Variants in ASTN1 observed in about 807,000 individuals in gnomAD.
ASTN1 encodes astrotactin 1, also known as astrotactin-1.
A neutral mutation model predicts 140.7 loss-of-function variants in ASTN1; 41 were observed. That is an observed-to-expected ratio of 0.29 (90% CI 0.23 to 0.38). The LOEUF is 0.38. Ranked by LOEUF, ASTN1 falls within the 10% of genes least tolerant of loss-of-function variation. The pLI, the probability that ASTN1 is intolerant of heterozygous loss-of-function variation, is 1.00. For synonymous variants in ASTN1, 640 were observed against 652.2 expected (o/e 0.98, Z 0.29); for missense variants, 1,479 against 1,678.8 (o/e 0.88, Z 2.08).
At chr1:177,131,093 C>T (rs1681916928) in intron 1 of ASTN1, among the ~76,000 whole-genome samples, 1 of 152,150 alleles carries the variant, frequency 6.6e-6, no homozygotes, top group Non-Finnish European at 1.5e-5. Context: ...CCCAAGTGGT[C>T]CTTACTGCTG....
chr1:176,940,075 G>A (rs143767212), intron 14 of ASTN1, among the ~76,000 whole-genome samples: 1 of 152,272 alleles, frequency 6.6e-6, no homozygotes, highest in East Asian at 1.9e-4. Context: ...TTTAATGACT[G>A]TGTCACCCAA....
At chr1:177,069,102 C>T (rs1678506344) in intron 1 of ASTN1, among the ~76,000 whole-genome samples, 1 of 152,114 alleles carries the variant, frequency 6.6e-6, no homozygotes, top group African/African-American at 2.4e-5. Flanking sequence ...TGTTTCAGCT[C>T]AATCCAGCCT....
At chr1:176,858,779 A>G (rs1037850952), downstream of ASTN1, among the ~76,000 whole-genome samples, 1 of 152,166 alleles carries the variant, frequency 6.6e-6, no homozygotes, top group Non-Finnish European at 1.5e-5. Flanking sequence ...ATTGTCTGAC[A>G]TGGGGTAACT....
Position 177,024,720 on chromosome 1 carries a change from C to A in ASTN1, c.1133G>T (p.Arg378Leu). 7 of 1,613,442 alleles carry A rather than the reference C, an allele frequency of 4.3e-6. No individual in the cohort carries two copies. Among genetic ancestry groups the A allele is most frequent in the Non-Finnish European group, 5.9e-6 (7 of 1,179,540 alleles). Residue 378 changes from arginine (R) to leucine (L), a missense_variant, in exon 6 of 23, where the codon CGA becomes CTA. Physicochemically the swap from Arg to Leu is moderately radical, Grantham distance 102. Coordinates refer to ENST00000361833, the MANE Select transcript of ASTN1 (RefSeq NM_004319.3). Reference protein sequence around the residue: ...SRRRSRVGSPRSPVNKTTLTL... With the variant: ...SRRRSRVGSPLSPVNKTTLTL... ...CAAGGTGGTCTTATTCACAGGACTT[C>A]GGGGAGAACCCACTGAAAGTGAGAC...
intron 1 of ASTN1, among the ~76,000 whole-genome samples, chr1:177,116,332 G>T (rs1204031118): frequency 2.0e-5 from 3 of 152,092 alleles, no homozygotes; most frequent in Non-Finnish European, 4.4e-5. Flanking sequence ...TTAAAATTGT[G>T]CACAGATGTA....
intron 1 of ASTN1, among the ~76,000 whole-genome samples, chr1:177,075,043 T>A (rs1678820462): frequency 6.6e-6 from 1 of 152,166 alleles, no homozygotes; most frequent in Non-Finnish European, 1.5e-5. Context: ...TATATACAGT[T>A]AATTAATAAT....
At chr1:176,891,395 C>G (rs1049921768) in intron 17 of ASTN1, among the ~76,000 whole-genome samples, 1 of 152,216 alleles carries the variant, frequency 6.6e-6, no homozygotes, top group African/African-American at 2.4e-5. Flanking sequence ...GCATCAGCCA[C>G]TTGCTAGGCA....
downstream of ASTN1, chr1:176,857,553 C>CCTCCTGG: frequency 2.0e-6 from 1 of 509,444 alleles, no homozygotes; most frequent in South Asian, 3.3e-5. Flanking sequence ...CTGGAGATGC[C>CCTCCTGG]ATCTGAGGCA....
At chr1:176,984,641 A>G (rs1315712832) in intron 8 of ASTN1, among the ~76,000 whole-genome samples, 1 of 152,178 alleles carries the variant, frequency 6.6e-6, no homozygotes, top group Admixed American at 6.5e-5. Context: ...AGGGAAGACC[A>G]TTCTATTTTG....
chr1:176,983,330 T>C (rs1280168205), intron 8 of ASTN1, among the ~76,000 whole-genome samples: 1 of 152,116 alleles, frequency 6.6e-6, no homozygotes, highest in Admixed American at 6.5e-5. Context: ...CTTCCCTGCC[T>C]CGCAGCCACA....
chr1:177,120,612 C>T (rs1485053784), intron 1 of ASTN1, among the ~76,000 whole-genome samples: 3 of 152,114 alleles, frequency 2.0e-5, no homozygotes, highest in Admixed American at 1.3e-4. Context: ...TTCATGACTC[C>T]CAGACACAAG....
intron 1 of ASTN1, among the ~76,000 whole-genome samples, chr1:177,094,416 A>G (rs1679923636): frequency 6.6e-6 from 1 of 152,204 alleles, no homozygotes; most frequent in African/African-American, 2.4e-5. Flanking sequence ...CCAATTGCTC[A>G]TCTTCCTCCA....
chr1:177,157,513 T>C lies in ASTN1; in HGVS notation c.283+6881A>G, dbSNP rs549756508. Among the ~76,000 whole-genome samples the C allele has an allele frequency of 1.3e-4, 20 of 152,162 alleles. No homozygotes were observed. The South Asian group carries it at 4.2e-3, about 32-fold the overall frequency. Reference sequence around the variant, plus strand: ...TATTTTTTGTAGAGATGGGGTTTTGTCATGTTGCCAAGGCCTGTCTCAAAC... The same window carrying C: ...TATTTTTTGTAGAGATGGGGTTTTGCCATGTTGCCAAGGCCTGTCTCAAAC... On this transcript the variant is annotated intron_variant, in intron 1 of 22. Coordinates refer to ENST00000361833, the MANE Select transcript of ASTN1 (RefSeq NM_004319.3).
intron 1 of ASTN1, among the ~76,000 whole-genome samples, chr1:177,138,232 A>G (rs1385799594): frequency 6.6e-6 from 1 of 152,218 alleles, no homozygotes; most frequent in Non-Finnish European, 1.5e-5. Context: ...TACAGCCAGC[A>G]GATTGGGACT....
chr1:177,097,665 G>GGAGT (rs1491075852), intron 1 of ASTN1, among the ~76,000 whole-genome samples: 1 of 152,042 alleles, frequency 6.6e-6, no homozygotes, highest in Non-Finnish European at 1.5e-5. Flanking sequence ...CAACCATCCC[G>GGAGT]GAGTTTATGC....
intron 1 of ASTN1, among the ~76,000 whole-genome samples, chr1:177,117,711 T>C (rs1681166435): frequency 6.6e-6 from 1 of 152,204 alleles, no homozygotes; most frequent in Non-Finnish European, 1.5e-5. Context: ...TACTACTCCC[T>C]GGACCACTCA....
In ASTN1 at chr1:176,863,457, A is replaced by G. The variant is rs1668031997; in HGVS notation, c.*827T>C. ...CCAAAGGAAGCATGGTTTTTTTAAA[A>G]AACAATAAACTCCAAGTCTCCTCTT... On this transcript the variant is annotated 3_prime_UTR_variant, in exon 23 of 23. Transcript: ENST00000361833. 4.1e-6 allele frequency: 4 copies of G among 985,788 alleles called. No homozygotes were observed. The highest frequency in any genetic ancestry group is 4.8e-6 in the Non-Finnish European group (4 of 829,922). The allele number at this position is 985,788 out of a possible 1,614,324, so 61.1% of individuals were successfully genotyped here. A position where few individuals can be genotyped will look rare whatever the true frequency, so the allele number is the denominator to read the frequency against.
At chr1:176,892,538 C>A (rs926254028) in intron 17 of ASTN1, among the ~76,000 whole-genome samples, 2 of 152,116 alleles carry the variant, frequency 1.3e-5, no homozygotes, top group Non-Finnish European at 2.9e-5. Flanking sequence ...TGAGTTTGTG[C>A]TGGAAGATGA....
chr1:176,900,902 T>C (rs1382217089), intron 16 of ASTN1, among the ~76,000 whole-genome samples: 1 of 152,236 alleles, frequency 6.6e-6, no homozygotes, highest in Non-Finnish European at 1.5e-5. Flanking sequence ...TGTTCTCCAC[T>C]ATAATATCCC....
Sources: allele counts gnomAD v4.1 joint callset (sites outside exome capture counted in the v4.1 genomes callset), GRCh38; gene constraint gnomAD v4.1.1; transcripts MANE v1.5; gene names NCBI Gene and HGNC (gene_info 2026-07-23, HGNC 2026-07-21).